GALNTL6: variants seen among roughly 807,000 people sequenced by gnomAD.
GALNTL6 encodes the protein polypeptide N-acetylgalactosaminyltransferase-like 6.
Under a neutral mutation model 73.7 loss-of-function variants are expected in GALNTL6, and 46 were observed. The observed-to-expected ratio is 0.62, with a 90% CI of 0.49 to 0.80. The LOEUF is 0.80. Among genes scored for constraint, GALNTL6 ranks in the 30% least tolerant of loss-of-function variants. The pLI is 0.00. For synonymous variants in GALNTL6, 259 were observed against 263.7 expected (o/e 0.98, Z 0.17); for missense variants, 604 against 755.0 (o/e 0.80, Z 2.34).
At chr4:172,409,906 TG>T (rs1249148481) in intron 5 of GALNTL6, among the ~76,000 whole-genome samples, 10 of 152,048 alleles carry the variant, frequency 6.6e-5, no homozygotes, top group African/African-American at 2.4e-4. Context: ...CTAAGCACTG[TG>T]TTAGATACTT....
At chr4:172,635,913 T>C (rs1297322007) in intron 5 of GALNTL6, among the ~76,000 whole-genome samples, 1 of 152,220 alleles carries the variant, frequency 6.6e-6, no homozygotes, top group Non-Finnish European at 1.5e-5. Context: ...TTGGTACATA[T>C]GATAAACCTA....
intron 5 of GALNTL6, among the ~76,000 whole-genome samples, chr4:172,738,264 G>T (rs1391462012): frequency 2.0e-5 from 3 of 152,186 alleles, no homozygotes; most frequent in African/African-American, 7.2e-5. Flanking sequence ...TTGGAGGGGT[G>T]TCATCCTTGT....
At chr4:172,925,222 AAAAT>A (rs968694233) in intron 8 of GALNTL6, among the ~76,000 whole-genome samples, 1 of 151,988 alleles carries the variant, frequency 6.6e-6, no homozygotes, top group African/African-American at 2.4e-5. Context: ...GAAGGAAAAA[AAAAT>A]AAATCGCAGG....
At position 171,849,387 on chromosome 4, in the gene GALNTL6, A is replaced by G. The variant is rs960310729; in HGVS notation, c.138+34669A>G. On this transcript the variant is annotated intron_variant, in intron 2 of 12. Coordinates refer to ENST00000506823, the MANE Select transcript of GALNTL6 (RefSeq NM_001034845.3). The stretch of plus-strand genomic sequence containing the variant: ...TTGAGATCACTCCCTTAATAATAAT[A>G]GGAAGTGCTTTGTGTAATTTTCATG... Among the ~76,000 whole-genome samples, 11 of 152,194 alleles carry G rather than the reference A, an allele frequency of 7.2e-5. No homozygotes were observed. In the South Asian group the frequency reaches 1.9e-3, roughly 26 times the overall value.
intron 2 of GALNTL6, among the ~76,000 whole-genome samples, chr4:171,898,736 T>G (rs1056207829): frequency 1.9e-4 from 29 of 152,064 alleles, no homozygotes; most frequent in Admixed American, 1.2e-3. Flanking sequence ...TAGGTTGTAG[T>G]TTTTTTTAAT....
At chr4:172,028,672 A>G (rs1396063065) in intron 2 of GALNTL6, among the ~76,000 whole-genome samples, 1 of 152,008 alleles carries the variant, frequency 6.6e-6, no homozygotes, top group African/African-American at 2.4e-5. Flanking sequence ...ACTGTACTCA[A>G]CTTCAATTCA....
At chr4:172,255,089 A>G (rs561409880) in intron 3 of GALNTL6, among the ~76,000 whole-genome samples, 7 of 151,780 alleles carry the variant, frequency 4.6e-5, no homozygotes, top group African/African-American at 1.4e-4. Context: ...ATTTTAAACA[A>G]TTGTTTAATG....
In GALNTL6 at chr4:173,000,879, C is replaced by T. The variant is rs566976580; in HGVS notation, c.1372-8299C>T. ...TACTAATGGATTGAATTATGTCTCC[C>T]CAAAATTTATATGTTGAAATCCTAA... On this transcript the variant is annotated intron_variant, in intron 10 of 12. Transcript: ENST00000506823. Among the ~76,000 whole-genome samples, 4 of 152,194 alleles carry T rather than the reference C, an allele frequency of 2.6e-5. No individual in the cohort carries two copies. The East Asian group carries it at 7.7e-4, about 29-fold the overall frequency.
chr4:172,030,987 C>T (rs1191480338), intron 2 of GALNTL6, among the ~76,000 whole-genome samples: 1 of 152,008 alleles, frequency 6.6e-6, no homozygotes, highest in African/African-American at 2.4e-5. Context: ...CCCAAGCAGT[C>T]TGAAATGTAT....
intron 5 of GALNTL6, among the ~76,000 whole-genome samples, chr4:172,764,170 C>G (rs2110837553): frequency 6.6e-6 from 1 of 152,308 alleles, no homozygotes; most frequent in Middle Eastern, 3.4e-3. Context: ...GTTGGTGAGG[C>G]TGGTCTCAAA....
intron 12 of GALNTL6, among the ~76,000 whole-genome samples, chr4:173,024,051 A>T (rs1179824877): frequency 6.6e-6 from 1 of 152,218 alleles, no homozygotes; most frequent in African/African-American, 2.4e-5. Context: ...AATAATATGC[A>T]ATTAAGCCAA....
At chr4:172,222,671 A>G (rs1736721257) in intron 2 of GALNTL6, among the ~76,000 whole-genome samples, 1 of 151,936 alleles carries the variant, frequency 6.6e-6, no homozygotes, top group Non-Finnish European at 1.5e-5. Context: ...AGCTATAATG[A>G]TCTACACACC....
intron 11 of GALNTL6, among the ~76,000 whole-genome samples, chr4:173,013,236 C>T (rs1025546899): frequency 2.6e-5 from 4 of 152,124 alleles, no homozygotes; most frequent in South Asian, 2.1e-4. Flanking sequence ...TAGAAGCTAT[C>T]GGTAAGGCTG....
intron 5 of GALNTL6, among the ~76,000 whole-genome samples, chr4:172,520,210 C>CA (rs1734732755): frequency 6.6e-6 from 1 of 151,852 alleles, no homozygotes; most frequent in Non-Finnish European, 1.5e-5. Context: ...GTCAATACTG[C>CA]AGCAAGGACC....
At chr4:172,388,983 C>T (rs1743570798) in intron 5 of GALNTL6, among the ~76,000 whole-genome samples, 1 of 151,798 alleles carries the variant, frequency 6.6e-6, no homozygotes, top group Admixed American at 6.6e-5. Flanking sequence ...TTTTCCAATT[C>T]CTAATATTTC....
intron 5 of GALNTL6, among the ~76,000 whole-genome samples, chr4:172,568,653 G>A (rs911008796): frequency 1.3e-5 from 2 of 150,190 alleles, no homozygotes; most frequent in Non-Finnish European, 3.0e-5. Flanking sequence ...AGCTACTCGG[G>A]AGGCTGAGGC....
chr4:172,663,298 C>T (rs548185551), intron 5 of GALNTL6, among the ~76,000 whole-genome samples: 6 of 152,240 alleles, frequency 3.9e-5, no homozygotes, highest in African/African-American at 1.2e-4. Flanking sequence ...TAAAAGAAGG[C>T]TAATCTAATG....
chr4:171,823,686 C>A (rs999022441), intron 2 of GALNTL6, among the ~76,000 whole-genome samples: 1 of 151,092 alleles, frequency 6.6e-6, no homozygotes, highest in East Asian at 1.9e-4. Context: ...AAAAGACTGA[C>A]GACTATAATA....
chr4:172,652,134 AG>A (rs767823597), intron 5 of GALNTL6, among the ~76,000 whole-genome samples: 3 of 152,214 alleles, frequency 2.0e-5, no homozygotes, highest in Non-Finnish European at 4.4e-5. Context: ...ATTATGTTTA[AG>A]GAGCTAAGAA....
Sources: gnomAD v4.1 joint callset for allele counts (sites outside exome capture counted in the v4.1 genomes callset) on GRCh38, gnomAD v4.1.1 for gene constraint, MANE v1.5 for transcripts, NCBI Gene and HGNC (gene_info 2026-07-23, HGNC 2026-07-21) for gene names.